KCND3: variants seen among roughly 807,000 people sequenced by gnomAD.
KCND3 encodes potassium voltage-gated channel subfamily D member 3, also known as A-type voltage-gated potassium channel KCND3.
In KCND3, 9 loss-of-function variants were observed where a neutral mutation model predicts 51.1. The ratio of observed to expected loss-of-function variants is 0.18; its 90% confidence interval spans 0.11 to 0.31. KCND3 has a LOEUF of 0.31. Ranked by LOEUF, KCND3 falls within the 10% of genes least tolerant of loss-of-function variation. KCND3 has a pLI of 1.00. For missense variants in KCND3, 526 were observed against 903.8 expected (o/e 0.58, Z 5.36); for synonymous variants, 349 against 368.0 (o/e 0.95, Z 0.59).
intron 2 of KCND3, among the ~76,000 whole-genome samples, chr1:111,874,903 C>A (rs1380010573): frequency 5.3e-5 from 8 of 152,236 alleles, no homozygotes; most frequent in Admixed American, 5.2e-4. Context: ...AGCTTCCCTG[C>A]AACCCAACTA....
rs201601903 is a variant in KCND3 at position 111,837,769 on chromosome 1, GC to G, written c.1107-50664del. Among the ~76,000 whole-genome samples the G allele has an allele frequency of 5.8e-3, 887 of 152,094 alleles. 11 individuals carry two copies. The highest frequency in any genetic ancestry group is 0.02 in the African/African-American group (818 of 41,480). ...CCCATAAGCTGTGTCTAATTTAGAT[GC>G]CCCCCCTCGAAAAACACTAACATAC... is the stretch of plus-strand genomic sequence containing the variant. On this transcript the variant is annotated intron_variant, in intron 2 of 7. Coordinates refer to ENST00000302127, the MANE Select transcript of KCND3 (RefSeq NM_001378969.1).
intron 2 of KCND3, among the ~76,000 whole-genome samples, chr1:111,794,390 A>T (rs546839731): frequency 1.2e-4 from 18 of 152,108 alleles, no homozygotes; most frequent in Non-Finnish European, 2.1e-4. Context: ...TGGGGAGTCC[A>T]TTCTTTACTG....
intron 2 of KCND3, among the ~76,000 whole-genome samples, chr1:111,821,280 T>C (rs1343763006): frequency 6.6e-6 from 1 of 152,066 alleles, no homozygotes; most frequent in African/African-American, 2.4e-5. Context: ...CCCAGCGAGG[T>C]CATTTACCTT....
At position 111,885,961 on chromosome 1, in the gene KCND3, G is replaced by A. The variant is rs148861031; in HGVS notation, c.1106+95660C>T. Among the ~76,000 whole-genome samples, 525 of 152,264 alleles carry A rather than the reference G, an allele frequency of 3.4e-3. 4 individuals are homozygous for A. Among genetic ancestry groups the A allele is most frequent in the African/African-American group, 0.012 (490 of 41,560 alleles). On this transcript the variant is annotated intron_variant, in intron 2 of 7. Coordinates refer to ENST00000302127, the MANE Select transcript of KCND3 (RefSeq NM_001378969.1). ...GCTGGGATTACAGGCGTGAGCCACCGTACCCAGCTGCATGTTTCGATCGCT... is the reference window on the plus strand; with the variant it reads ...GCTGGGATTACAGGCGTGAGCCACCATACCCAGCTGCATGTTTCGATCGCT...
At chr1:111,940,696 G>A (rs1044884379) in intron 2 of KCND3, among the ~76,000 whole-genome samples, 3 of 152,120 alleles carry the variant, frequency 2.0e-5, no homozygotes, top group Non-Finnish European at 4.4e-5. Context: ...TTACCACATT[G>A]TCATGCAATC....
At position 111,873,611 on chromosome 1, in the gene KCND3, T is replaced by A. The variant is rs115117088; in HGVS notation, c.1107-86505A>T. 4.9e-3 allele frequency among the ~76,000 whole-genome samples: 739 copies of A among 152,200 alleles called. 2 individuals are homozygous for A. The highest frequency in any genetic ancestry group is 0.017 in the African/African-American group (695 of 41,506). On this transcript the variant is annotated intron_variant, in intron 2 of 7. Coordinates refer to ENST00000302127, the MANE Select transcript of KCND3 (RefSeq NM_001378969.1). ...AGGCTAAGTGTCTGTTATGTGCAGC[T>A]GCAGACCTAGCCCAGGGCCCCGATC...
At chr1:111,777,972 C>G (rs543184221) in intron 6 of KCND3, among the ~76,000 whole-genome samples, 1 of 152,166 alleles carries the variant, frequency 6.6e-6, no homozygotes, top group Non-Finnish European at 1.5e-5. Flanking sequence ...CCCAGGATAA[C>G]TAAAAAATGG....
intron 2 of KCND3, among the ~76,000 whole-genome samples, chr1:111,798,220 TGCTCCCATATGCACTGG>T (rs1171269292): frequency 6.6e-6 from 1 of 152,276 alleles, no homozygotes; most frequent in East Asian, 1.9e-4. Flanking sequence ...TATGCATCTG[TGCTCCCATATGCACTGG>T]GCTCCTCCAT....
intron 2 of KCND3, among the ~76,000 whole-genome samples, chr1:111,907,389 A>T (rs995285316): frequency 3.9e-5 from 6 of 152,194 alleles, no homozygotes; most frequent in Non-Finnish European, 1.5e-5. Context: ...CAGAAATGAC[A>T]TGGCGTTCAT....
intron 2 of KCND3, among the ~76,000 whole-genome samples, chr1:111,883,259 T>C (rs1402056050): frequency 6.6e-6 from 1 of 152,252 alleles, no homozygotes; most frequent in Non-Finnish European, 1.5e-5. Context: ...ATATCCACCT[T>C]GTAGGTTACT....
At chr1:111,807,197 C>A (rs984670871) in intron 2 of KCND3, among the ~76,000 whole-genome samples, 2 of 152,160 alleles carry the variant, frequency 1.3e-5, no homozygotes, top group Admixed American at 6.5e-5. Flanking sequence ...TAAAAAGAGA[C>A]CCCCAAAGAA....
At chr1:111,953,100 T>C (rs576959243) in intron 2 of KCND3, among the ~76,000 whole-genome samples, 3 of 152,094 alleles carry the variant, frequency 2.0e-5, no homozygotes, top group South Asian at 4.2e-4. Flanking sequence ...CTACTAAATG[T>C]CACAAAGCTG....
At chr1:111,968,939 G>A (rs1007717691) in intron 2 of KCND3, among the ~76,000 whole-genome samples, 1 of 152,126 alleles carries the variant, frequency 6.6e-6, no homozygotes, top group African/African-American at 2.4e-5. Flanking sequence ...TCAAGAGCAG[G>A]AGACGGCATG....
At chr1:111,974,293 C>T (rs981032698) in intron 2 of KCND3, among the ~76,000 whole-genome samples, 4 of 152,020 alleles carry the variant, frequency 2.6e-5, no homozygotes, top group Admixed American at 6.5e-5. Flanking sequence ...TCCTGCTTGT[C>T]ACTAGAAGTT....
At position 111,982,840 on chromosome 1, in the gene KCND3, T is replaced by C. The variant is rs72548722; in HGVS notation, c.-72-42A>G. 2.6e-3 allele frequency: 3,669 copies of C among 1,414,444 alleles called. 9 individuals are homozygous for C. The highest frequency in any genetic ancestry group is 3.1e-3 in the Non-Finnish European group (3,218 of 1,039,920). The allele number at this position is 1,414,444 out of a possible 1,614,324, so 87.6% of individuals were successfully genotyped here. On this transcript the variant is annotated intron_variant, in intron 1 of 7. Coordinates refer to ENST00000302127, the MANE Select transcript of KCND3 (RefSeq NM_001378969.1). This position sits in a 1 kb window ranked among gnomAD's most constrained non-coding sequence, Gnocchi z 8.5. ...GAGAGAGAGAAGCGGTGAGTCCATA[T>C]CGACTGGCAGGTAAGAAATGGGACA...
chr1:111,814,276 C>T (rs1014238523), intron 2 of KCND3, among the ~76,000 whole-genome samples: 10 of 152,120 alleles, frequency 6.6e-5, no homozygotes, highest in East Asian at 3.9e-4. Context: ...AACAAATAAA[C>T]GGAGAAATCA....
At chr1:111,847,720 G>C (rs1025470844) in intron 2 of KCND3, among the ~76,000 whole-genome samples, 3 of 152,158 alleles carry the variant, frequency 2.0e-5, no homozygotes, top group Non-Finnish European at 2.9e-5. Context: ...ACGAGGTAAT[G>C]GCTGTCCTGG....
intron 2 of KCND3, chr1:111,857,009 C>G (rs1030798140): frequency 6.6e-6 from 1 of 152,280 alleles, no homozygotes; most frequent in Non-Finnish European, 1.5e-5. Context: ...CTTTCTGTGT[C>G]GGTCACAGTC....
At chr1:111,778,636 G>T in intron 5 of KCND3, 144 bp from the exon 6 acceptor site, 1 of 807,054 alleles carries the variant, frequency 1.2e-6, no homozygotes, top group South Asian at 1.4e-5. Context: ...CCAGCATTCT[G>T]CCCCCTTCCT....
Sources: gnomAD v4.1 joint callset for allele counts (sites outside exome capture counted in the v4.1 genomes callset) on GRCh38, gnomAD v4.1.1 for gene constraint, Gnocchi (gnomAD v3.1) non-coding constraint, MANE v1.5 for transcripts, NCBI Gene and HGNC (gene_info 2026-07-23, HGNC 2026-07-21) for gene names.